The following POU6F2 variants were observed in gnomAD, a reference collection of about 807,000 sequenced individuals.
POU6F2 encodes the protein POU domain, class 6, transcription factor 2.
Under a neutral mutation model 71.3 loss-of-function variants are expected in POU6F2, and 31 were observed. That is an observed-to-expected ratio of 0.43 (90% confidence interval 0.33 to 0.59). The LOEUF is 0.59. Ranked by LOEUF, POU6F2 falls within the 20% of genes least tolerant of loss-of-function variation. The probability of loss-of-function intolerance (pLI) is 0.04; values close to 1 mark genes in which losing one functional copy is unlikely to be tolerated. For synonymous variants in POU6F2, 347 were observed against 355.7 expected, an observed-to-expected ratio of 0.98 and a Z score of 0.27; for missense variants, 783 against 856.8, an observed-to-expected ratio of 0.91 and a Z score of 1.07.
intron 1 of POU6F2, among the ~76,000 whole-genome samples, chr7:39,032,720 T>G (rs1789972874): frequency 6.6e-6 from 1 of 152,220 alleles, no homozygotes; most frequent in Non-Finnish European, 1.5e-5. Flanking sequence ...CAGCATGCTC[T>G]GAGGCCCCTG....
intron 1 of POU6F2, among the ~76,000 whole-genome samples, chr7:39,065,453 GC>G: frequency 6.6e-6 from 1 of 151,568 alleles, no homozygotes; most frequent in East Asian, 1.9e-4. Flanking sequence ...AAATCAAGAA[GC>G]TTAAAGACAT....
At chr7:39,349,078 G>C (rs1786085884) in intron 5 of POU6F2, among the ~76,000 whole-genome samples, 1 of 152,140 alleles carries the variant, frequency 6.6e-6, no homozygotes, top group Admixed American at 6.5e-5. Context: ...ATCCAGGACA[G>C]TATGTAGAAA....
intron 1 of POU6F2, among the ~76,000 whole-genome samples, chr7:39,040,927 A>G (rs1223552775): frequency 1.3e-5 from 2 of 151,994 alleles, no homozygotes; most frequent in East Asian, 3.9e-4. Flanking sequence ...AAACACATAC[A>G]GACTTTTTTA....
chr7:38,995,980 T>G (rs1329439102), intron 1 of POU6F2, among the ~76,000 whole-genome samples: 1 of 151,914 alleles, frequency 6.6e-6, no homozygotes, highest in African/African-American at 2.4e-5. Context: ...ATCTTTGCCT[T>G]TTGTGCAAGA....
chr7:39,214,004 A>G (rs1794193505), intron 4 of POU6F2, among the ~76,000 whole-genome samples: 1 of 152,204 alleles, frequency 6.6e-6, no homozygotes, highest in African/African-American at 2.4e-5. Flanking sequence ...CTGGAGATCT[A>G]ATGGGCTGCT....
chr7:39,451,423 T>C (rs1400113668), intron 7 of POU6F2, 110 bp from the exon 8 acceptor site: 2 of 1,196,648 alleles, frequency 1.7e-6, no homozygotes, highest in Admixed American at 5.1e-5. Context: ...CTGAGAAGTA[T>C]ATATTCTTGG....
At chr7:39,128,000 G>A (rs1396539099) in intron 2 of POU6F2, among the ~76,000 whole-genome samples, 2 of 151,706 alleles carry the variant, frequency 1.3e-5, no homozygotes, top group South Asian at 4.2e-4. Flanking sequence ...CCACCACCAC[G>A]CCCGGCTAAT....
intron 2 of POU6F2, among the ~76,000 whole-genome samples, chr7:39,191,767 A>G (rs2128743310): frequency 6.6e-6 from 1 of 152,302 alleles, no homozygotes; most frequent in African/African-American, 2.4e-5. Flanking sequence ...GTAATATAAC[A>G]CTCTATGAAT....
In POU6F2 at chr7:39,292,291, A is replaced by G. The variant is rs374913596; in HGVS notation, c.599-47351A>G. 1.4e-4 allele frequency among the ~76,000 whole-genome samples: 21 copies of G among 152,290 alleles called. No homozygotes were observed. In the South Asian group the frequency reaches 3.9e-3, roughly 29 times the overall value. On this transcript the variant is annotated intron_variant, in intron 4 of 9. Transcript: ENST00000518318. ...CCTCCACCCTCTCTAAAATGCATCC[A>G]GTGAATTTTGATGAATCCATTCCCC...
intron 4 of POU6F2, among the ~76,000 whole-genome samples, chr7:39,244,377 C>A (rs1007447907): frequency 2.0e-5 from 3 of 152,116 alleles, no homozygotes; most frequent in African/African-American, 7.2e-5. Flanking sequence ...AAGAGCTGAG[C>A]CTGAGTACCA....
intron 2 of POU6F2, among the ~76,000 whole-genome samples, chr7:39,153,054 A>C (rs1189873929): frequency 6.6e-6 from 1 of 152,188 alleles, no homozygotes; most frequent in African/African-American, 2.4e-5. Flanking sequence ...AGAAATAAGC[A>C]CTGGCTTTTG....
At chr7:39,246,180 G>C (rs2128752039) in intron 4 of POU6F2, among the ~76,000 whole-genome samples, 1 of 152,306 alleles carries the variant, frequency 6.6e-6, no homozygotes, top group African/African-American at 2.4e-5. Flanking sequence ...ATGAAATCAT[G>C]TTTGACTTCC....
chr7:39,246,905 C>CTTTTTTTT (rs398004470), intron 4 of POU6F2, among the ~76,000 whole-genome samples: 122 of 78,150 alleles, frequency 1.6e-3, no homozygotes, highest in Middle Eastern at 0.01. Context: ...TCCAGGGTGG[C>CTTTTTTTT]TTTTTTTTTT....
intron 2 of POU6F2, among the ~76,000 whole-genome samples, chr7:39,135,581 A>G (rs1335238854): frequency 2.0e-5 from 3 of 151,646 alleles, no homozygotes; most frequent in African/African-American, 4.9e-5. Flanking sequence ...ATCTCGGTGG[A>G]TATTCAATAA....
chr7:39,150,605 T>C (rs957931698), intron 2 of POU6F2, among the ~76,000 whole-genome samples: 2 of 151,636 alleles, frequency 1.3e-5, no homozygotes, highest in African/African-American at 2.4e-5. Flanking sequence ...TAGCTGGGAT[T>C]ACAGGCGCCC....
chr7:39,130,471 C>T (rs919670812), intron 2 of POU6F2, among the ~76,000 whole-genome samples: 4 of 152,168 alleles, frequency 2.6e-5, no homozygotes, highest in African/African-American at 4.8e-5. Flanking sequence ...AGAGAAGCTA[C>T]GTAAGCACAA....
chr7:39,187,059 G>A (rs1793556280), intron 2 of POU6F2, among the ~76,000 whole-genome samples: 1 of 152,194 alleles, frequency 6.6e-6, no homozygotes, highest in East Asian at 1.9e-4. Flanking sequence ...TTTATTGTGT[G>A]TTTACTATGT....
chr7:39,085,889 G>A lies in POU6F2; in HGVS notation c.135G>A (p.Lys45=), dbSNP rs1791231874. ...CAATGATAGCTGGACAAGTCAGTAAGCCCTTGCTGTCAGTGCGGAGTGAAA... is the reference window on the plus strand; with the variant it reads ...CAATGATAGCTGGACAAGTCAGTAAACCCTTGCTGTCAGTGCGGAGTGAAA... ...QDPMIAGQVS[K]PLLSVRSEMN... is the part of the protein sequence containing the mutation. Residue 45 remains lysine, a synonymous_variant, in exon 2 of 10, where the codon AAG becomes AAA. Coordinates refer to ENST00000518318, the MANE Select transcript of POU6F2 (RefSeq NM_001370959.1). 1 of 1,613,482 alleles carries A rather than the reference G, an allele frequency of 6.2e-7. No homozygotes were observed. Among genetic ancestry groups the A allele is most frequent in the African/African-American group, 1.3e-5 (1 of 74,846 alleles).
chr7:39,113,130 A>G (rs1791855067), intron 2 of POU6F2, among the ~76,000 whole-genome samples: 1 of 152,174 alleles, frequency 6.6e-6, no homozygotes, highest in African/African-American at 2.4e-5. Flanking sequence ...AAATTCCAAA[A>G]CTATGCTCAA....
Sources: allele counts gnomAD v4.1 joint callset (sites outside exome capture counted in the v4.1 genomes callset), GRCh38; gene constraint gnomAD v4.1.1; transcripts MANE v1.5; gene names NCBI Gene and HGNC (gene_info 2026-07-23, HGNC 2026-07-21).